The following SNTG1 variants were observed in gnomAD, a reference collection of about 807,000 sequenced individuals.
SNTG1 encodes the protein syntrophin gamma 1.
In SNTG1, 39 loss-of-function variants were observed where a neutral mutation model predicts 74.7. The observed-to-expected ratio is 0.52, with a 90% confidence interval of 0.40 to 0.68. The LOEUF is 0.68. Among genes scored for constraint, SNTG1 ranks in the 30% least tolerant of loss-of-function variants. SNTG1 has a pLI of 0.00. For synonymous variants in SNTG1, 254 were observed against 217.1 expected, an observed-to-expected ratio of 1.17 and a Z score of -1.49; for missense variants, 685 against 609.5, an observed-to-expected ratio of 1.12 and a Z score of -1.30.
chr8:49,978,384 C>CA (rs952015927), intron 1 of SNTG1, among the ~76,000 whole-genome samples: 1 of 151,872 alleles, frequency 6.6e-6, no homozygotes, highest in African/African-American at 2.4e-5. Flanking sequence ...GAAAGCAATG[C>CA]AAAAAAATGA....
At chr8:50,084,873 G>T (rs142757435) in intron 1 of SNTG1, among the ~76,000 whole-genome samples, 5 of 152,300 alleles carry the variant, frequency 3.3e-5, no homozygotes, top group Admixed American at 3.3e-4. Flanking sequence ...GACATTTTAT[G>T]ACACAGCAAG....
At chr8:50,424,009 A>G (rs554465777) in intron 4 of SNTG1, among the ~76,000 whole-genome samples, 2 of 152,302 alleles carry the variant, frequency 1.3e-5, no homozygotes, top group South Asian at 4.1e-4. Context: ...ACCTGTGTTT[A>G]AGGTTTTAGA....
chr8:50,160,593 A>T (rs991487379), intron 1 of SNTG1, among the ~76,000 whole-genome samples: 3 of 152,056 alleles, frequency 2.0e-5, no homozygotes, highest in Non-Finnish European at 2.9e-5. Context: ...AAATAAAATA[A>T]CATAGTGTAT....
intron 1 of SNTG1, among the ~76,000 whole-genome samples, chr8:50,145,014 A>T (rs2131493911): frequency 6.6e-6 from 1 of 152,152 alleles, no homozygotes; most frequent in South Asian, 2.1e-4. Flanking sequence ...ACAAAAGGAG[A>T]TGAGAAGGAA....
At chr8:50,280,143 A>T (rs566461722) in intron 2 of SNTG1, among the ~76,000 whole-genome samples, 1 of 152,334 alleles carries the variant, frequency 6.6e-6, no homozygotes, top group South Asian at 2.1e-4. Context: ...CTGGTGAGTG[A>T]TAGGCGTGAG....
chr8:50,675,361 A>G (rs146074503), intron 15 of SNTG1, among the ~76,000 whole-genome samples: 3,780 of 152,196 alleles, frequency 0.025, 63 homozygotes, highest in Middle Eastern at 0.041. Context: ...GGGTGCATAT[A>G]TATTTAGGAT....
chr8:50,577,261 G>A (rs893115596), intron 12 of SNTG1, among the ~76,000 whole-genome samples: 2 of 152,082 alleles, frequency 1.3e-5, no homozygotes, highest in Non-Finnish European at 2.9e-5. Context: ...TTTTGTTAAT[G>A]TGGTGAACTA....
At chr8:50,487,707 G>A (rs923667701) in intron 8 of SNTG1, among the ~76,000 whole-genome samples, 1 of 151,208 alleles carries the variant, frequency 6.6e-6, no homozygotes, top group African/African-American at 2.4e-5. Context: ...GGGGGGGGAG[G>A]GATAGCACTG....
At chr8:50,021,227 T>C (rs1189374603) in intron 1 of SNTG1, among the ~76,000 whole-genome samples, 1 of 152,172 alleles carries the variant, frequency 6.6e-6, no homozygotes, top group Admixed American at 6.5e-5. Context: ...AGCTATAAGT[T>C]ATATCTATAA....
intron 17 of SNTG1, among the ~76,000 whole-genome samples, chr8:50,743,112 A>G (rs1349526832): frequency 2.6e-5 from 4 of 151,914 alleles, no homozygotes; most frequent in African/African-American, 7.2e-5. Context: ...CCAAAAAAAA[A>G]AAAAATTGAA....
At chr8:50,353,069 G>T (rs1451891086) in intron 2 of SNTG1, among the ~76,000 whole-genome samples, 1 of 152,040 alleles carries the variant, frequency 6.6e-6, no homozygotes, top group Non-Finnish European at 1.5e-5. Flanking sequence ...GGAATACTAT[G>T]CAGCCATAAA....
chr8:50,076,373 A>G (rs573679815), intron 1 of SNTG1, among the ~76,000 whole-genome samples: 45 of 152,286 alleles, frequency 3.0e-4, no homozygotes, highest in African/African-American at 8.9e-4. Context: ...TTAATGTTTA[A>G]GGTTGGACAA....
chr8:49,962,824 C>G (rs912983524), intron 1 of SNTG1, among the ~76,000 whole-genome samples: 3 of 152,188 alleles, frequency 2.0e-5, no homozygotes, highest in African/African-American at 7.2e-5. Flanking sequence ...AACTCTTGAC[C>G]TCAAGTTGTT....
chr8:50,061,710 A>G (rs184313921), intron 1 of SNTG1, among the ~76,000 whole-genome samples: 7 of 152,186 alleles, frequency 4.6e-5, no homozygotes, highest in African/African-American at 1.7e-4. Context: ...AGTTTTATAT[A>G]TTTTTAGATT....
chr8:49,958,574 C>T (rs1810393422), intron 1 of SNTG1, among the ~76,000 whole-genome samples: 1 of 152,102 alleles, frequency 6.6e-6, no homozygotes, highest in African/African-American at 2.4e-5. Context: ...GCGCCTGCCA[C>T]CACGCCTGGC....
intron 2 of SNTG1, among the ~76,000 whole-genome samples, chr8:50,343,340 G>A (rs2091376154): frequency 6.6e-6 from 1 of 152,130 alleles, no homozygotes; most frequent in Non-Finnish European, 1.5e-5. Flanking sequence ...TACCATTAGT[G>A]ATTTCTGTGT....
chr8:50,215,451 GTCTC>G (rs942707159), intron 2 of SNTG1, among the ~76,000 whole-genome samples: 42 of 145,336 alleles, frequency 2.9e-4, no homozygotes, highest in Non-Finnish European at 5.1e-4. Context: ...TATATATGTA[GTCTC>G]TCTATATAAT....
intron 2 of SNTG1, among the ~76,000 whole-genome samples, chr8:50,350,472 C>T (rs145348875): frequency 0.11 from 17,364 of 151,124 alleles, 1,054 homozygotes; most frequent in Middle Eastern, 0.15. Context: ...TCAAAGTTTG[C>T]AAACACACCA....
intron 15 of SNTG1, among the ~76,000 whole-genome samples, chr8:50,694,324 A>C (rs892008816): frequency 6.6e-6 from 1 of 152,110 alleles, no homozygotes; most frequent in South Asian, 2.1e-4. Flanking sequence ...ATGCCAAAAA[A>C]TTGGATAACC....
Sources: allele counts gnomAD v4.1 joint callset (sites outside exome capture counted in the v4.1 genomes callset), GRCh38; gene constraint gnomAD v4.1.1; transcripts MANE v1.5; gene names NCBI Gene and HGNC (gene_info 2026-07-23, HGNC 2026-07-21).